Variants in PFKP observed in about 807,000 individuals in gnomAD.
PFKP encodes the protein phosphofructokinase, platelet.
In PFKP, 101 loss-of-function variants were observed where a neutral mutation model predicts 94.3. The observed-to-expected ratio is 1.07, with a 90% CI of 0.91 to 1.26. PFKP has a LOEUF of 1.26. Among genes scored for constraint, PFKP ranks in the 50% most tolerant of loss-of-function variants. PFKP has a pLI of 0.00. For missense variants in PFKP, 1,145 were observed against 1,103.3 expected (o/e 1.04, Z -0.53); for synonymous variants, 573 against 432.6 (o/e 1.32, Z -4.03).
chr10:3,105,023 G>T (rs866465578), intron 5 of PFKP, 92 bp from the exon 6 acceptor site: 2 of 1,232,238 alleles, frequency 1.6e-6, no homozygotes. Flanking sequence ...CCTTTTCTCT[G>T]CTTTCTGAGC....
intron 10 of PFKP, among the ~76,000 whole-genome samples, 170 bp downstream of exon 10, chr10:3,109,650 C>G (rs1172340964): frequency 6.6e-6 from 1 of 152,174 alleles, no homozygotes; most frequent in Admixed American, 6.5e-5. Flanking sequence ...ATGTTCTCTC[C>G]CACACCTGCA....
chr10:3,118,664 C>A, intron 14 of PFKP, 118 bp from the exon 15 acceptor site: 1 of 648,884 alleles, frequency 1.5e-6, no homozygotes, highest in Middle Eastern at 3.8e-4. Context: ...AGACGTTTAC[C>A]GCTCCTTAAT....
rs1442450732 is a variant in PFKP at position 3,067,570 on chromosome 10, G to T, written c.-26G>T. 6 of 1,294,394 alleles carry T rather than the reference G, an allele frequency of 4.6e-6. No homozygotes were observed. The highest frequency in any genetic ancestry group is 6.4e-6 in the Non-Finnish European group (6 of 933,190). The allele number at this position is 1,294,394 out of a possible 1,614,324, so 80.2% of individuals were successfully genotyped here. On this transcript the variant is annotated 5_prime_UTR_variant, in exon 1 of 22. Coordinates refer to ENST00000381125, the MANE Select transcript of PFKP (RefSeq NM_002627.5). ...CCCATTGCCTGCTGCGCACCCGGAC[G>T]TGCGGCTCCCCTCGGCCTCCTCGCC...
At chr10:3,090,327 C>T (rs948856412) in intron 2 of PFKP, among the ~76,000 whole-genome samples, 8 of 152,216 alleles carry the variant, frequency 5.3e-5, no homozygotes, top group Admixed American at 1.3e-4. Context: ...ATCAACCTTT[C>T]ATTTCTGTGT....
At chr10:3,093,835 G>A (rs923805497) in intron 2 of PFKP, among the ~76,000 whole-genome samples, 3 of 152,008 alleles carry the variant, frequency 2.0e-5, no homozygotes, top group African/African-American at 4.8e-5. Context: ...AGTAGAGGTG[G>A]GGTTTCACCG....
intron 1 of PFKP, among the ~76,000 whole-genome samples, chr10:3,067,958 T>C (rs1831860533): frequency 6.6e-6 from 1 of 151,730 alleles, no homozygotes; most frequent in African/African-American, 2.4e-5. Flanking sequence ...AGCCCCGGGG[T>C]CCTTGCCCGG....
At chr10:3,099,787 C>T (rs773354167) in intron 3 of PFKP, among the ~76,000 whole-genome samples, 3 of 151,802 alleles carry the variant, frequency 2.0e-5, no homozygotes, top group Admixed American at 6.6e-5. Context: ...TCGTGATTGA[C>T]GGAGGAAGAT....
chr10:3,099,423 C>A, intron 3 of PFKP, 71 bp downstream of exon 3: 1 of 1,184,222 alleles, frequency 8.4e-7, no homozygotes, highest in Non-Finnish European at 1.3e-6. Context: ...ATTCCCAGAA[C>A]ACTTGAGCTC....
At chr10:3,087,113 C>T (rs1024405294) in intron 2 of PFKP, among the ~76,000 whole-genome samples, 6 of 152,154 alleles carry the variant, frequency 3.9e-5, no homozygotes, top group South Asian at 2.1e-4. Context: ...GCTGGGATTA[C>T]GTGCCTGGCT....
intron 11 of PFKP, 29 bp from the exon 12 acceptor site, chr10:3,113,090 T>C (rs747295408): frequency 2.5e-6 from 4 of 1,604,506 alleles, no homozygotes; most frequent in Non-Finnish European, 3.4e-6. Flanking sequence ...TATTCTCGAC[T>C]CCGGTCCAAC....
At chr10:3,119,859 T>A in intron 15 of PFKP, 33 bp from the exon 16 acceptor site, 1 of 1,611,570 alleles carries the variant, frequency 6.2e-7, no homozygotes, top group South Asian at 1.1e-5. Flanking sequence ...CCAGCTTCCC[T>A]CTCGCCCCAC....
chr10:3,111,424 G>A (rs142895068), intron 10 of PFKP, among the ~76,000 whole-genome samples: 55 of 152,184 alleles, frequency 3.6e-4, no homozygotes, highest in African/African-American at 1.2e-3. Flanking sequence ...AACGACATGC[G>A]GTACGTGTAT....
At position 3,126,075 on chromosome 10, in the gene PFKP, C is replaced by T. The variant is rs114447787; in HGVS notation, c.1684-3744C>T. On this transcript the variant is annotated intron_variant, in intron 16 of 21. Transcript: ENST00000381125. ...TACATCTTGACGTCCAAGCCAGCTC[C>T]GGAGTTTGCAGTGAAAACTCCCAGT... Among the ~76,000 whole-genome samples the T allele has an allele frequency of 7.0e-3, 1,065 of 152,330 alleles. 15 individuals are homozygous for T. The highest frequency in any genetic ancestry group is 0.025 in the African/African-American group (1,021 of 41,582).
rs548243525 is a variant in PFKP at position 3,107,785 on chromosome 10, ACAGGCTTTGG to A, written c.870+494_870+503del. The stretch of plus-strand genomic sequence containing the variant: ...TGTGTCCTCGTGGCCCTGCCTGGGA[ACAGGCTTTGG>A]CAGGCTTTGGCAGGCTTCGTGCCCT... On this transcript the variant is annotated intron_variant, in intron 8 of 21. Transcript: ENST00000381125. 2,273 of 1,199,218 alleles carry A rather than the reference ACAGGCTTTGG, an allele frequency of 1.9e-3. 10 individuals carry two copies. The highest frequency in any genetic ancestry group is 4.9e-3 in the South Asian group (327 of 66,140). The allele number at this position is 1,199,218 out of a possible 1,614,324, so 74.3% of individuals were successfully genotyped here. A position where few individuals can be genotyped will look rare whatever the true frequency, so the allele number is the denominator to read the frequency against.
chr10:3,123,877 C>T (rs1032199060), intron 16 of PFKP, among the ~76,000 whole-genome samples: 2 of 152,240 alleles, frequency 1.3e-5, no homozygotes, highest in South Asian at 2.1e-4. Context: ...GAGCTGGGCA[C>T]GTGCTGGGCC....
intron 16 of PFKP, among the ~76,000 whole-genome samples, chr10:3,123,842 G>A (rs1837658082): frequency 6.6e-6 from 1 of 152,262 alleles, no homozygotes; most frequent in Admixed American, 6.5e-5. Context: ...AGCCTGCCAG[G>A]CAGAGCCTGC....
chr10:3,124,118 C>T (rs1172887068), intron 16 of PFKP, among the ~76,000 whole-genome samples: 2 of 152,182 alleles, frequency 1.3e-5, no homozygotes, highest in East Asian at 1.9e-4. Flanking sequence ...CTTTGCGTTG[C>T]ACCAGGGCTG....
intron 1 of PFKP, among the ~76,000 whole-genome samples, chr10:3,077,261 C>CTTTTCTTTTTTTTTTT (rs1832678032): frequency 5.9e-5 from 5 of 84,236 alleles, no homozygotes; most frequent in Non-Finnish European, 1.0e-4. Context: ...TTTTTTTTTT[C>CTTTTCTTTTTTTTTTT]TTTTTTTTTT....
At chr10:3,073,811 C>CTG (rs550068755) in intron 1 of PFKP, among the ~76,000 whole-genome samples, 48 of 151,712 alleles carry the variant, frequency 3.2e-4, no homozygotes, top group African/African-American at 9.7e-4. Context: ...GATTTTATTT[C>CTG]TGTGTGTGTG....
Sources: gnomAD v4.1 joint callset for allele counts (sites outside exome capture counted in the v4.1 genomes callset) on GRCh38, gnomAD v4.1.1 for gene constraint, MANE v1.5 for transcripts, NCBI Gene and HGNC (gene_info 2026-07-23, HGNC 2026-07-21) for gene names.